CA13: variants seen among roughly 807,000 people sequenced by gnomAD.
CA13 encodes the protein CA-XIII.
A neutral mutation model predicts 31.5 loss-of-function variants in CA13; 21 were observed. That is an observed-to-expected ratio of 0.67 (90% confidence interval 0.47 to 0.96). The LOEUF (loss-of-function observed/expected upper bound fraction) is 0.96. Among genes scored for constraint, CA13 ranks in the 40% least tolerant of loss-of-function variants. CA13 has a pLI of 0.00. For missense variants in CA13, 315 were observed against 318.9 expected (o/e 0.99, Z 0.09); for synonymous variants, 117 against 111.4 (o/e 1.05, Z -0.32).
chr8:85,268,482 C>T lies in CA13; in HGVS notation c.524C>T (p.Thr175Ile), dbSNP rs775023269. The T allele has an allele frequency of 4.3e-6, 7 of 1,613,876 alleles. No homozygotes were observed. The South Asian group carries it at 4.4e-5, about 10-fold the overall frequency. Residue 175 changes from threonine (T) to isoleucine (I), a missense_variant, in exon 6 of 7, where the codon ACT becomes ATT. Physicochemically the swap from Thr to Ile is moderately conservative, Grantham distance 89. Transcript: ENST00000321764. ...LDSIKEKGKQ[T>I]RFTNFDLLSL... ...TTTTTGATCCTCCAGGGTAAACAAA[C>T]TCGATTCACAAATTTTGACCTATTG...
At chr8:85,267,827 A>C in intron 4 of CA13, 75 bp from the exon 5 acceptor site, 1 of 845,546 alleles carries the variant, frequency 1.2e-6, no homozygotes, top group South Asian at 1.7e-5. Flanking sequence ...ATAATTTTTA[A>C]ATAGTGGCTG....
At chr8:85,253,708 A>T (rs1807234703) in intron 2 of CA13, among the ~76,000 whole-genome samples, 1 of 152,144 alleles carries the variant, frequency 6.6e-6, no homozygotes, top group African/African-American at 2.4e-5. Context: ...AGTTTTGTGA[A>T]TCTATGTTAA....
chr8:85,251,187 AG>A (rs1813822077), intron 2 of CA13, among the ~76,000 whole-genome samples: 1 of 152,020 alleles, frequency 6.6e-6, no homozygotes, highest in Non-Finnish European at 1.5e-5. Flanking sequence ...TATTTTTAGT[AG>A]AGACAGGGTT....
At chr8:85,248,599 G>A (rs75824923) in intron 1 of CA13, among the ~76,000 whole-genome samples, 4,318 of 152,164 alleles carry the variant, frequency 0.028, 79 homozygotes, top group Non-Finnish European at 0.036. Context: ...AGGAGAAGGA[G>A]GAGAGGAGGA....
intron 3 of CA13, among the ~76,000 whole-genome samples, chr8:85,264,400 T>C (rs1304416375): frequency 6.6e-6 from 1 of 152,230 alleles, no homozygotes; most frequent in Non-Finnish European, 1.5e-5. Context: ...TCAGTTCAAA[T>C]CACTGCTCTT....
chr8:85,259,777 G>A (rs932844539), intron 3 of CA13, among the ~76,000 whole-genome samples: 1 of 152,200 alleles, frequency 6.6e-6, no homozygotes, highest in African/African-American at 2.4e-5. Context: ...TTAGACATAA[G>A]TAAACTGGTT....
intron 3 of CA13, 92 bp from the exon 4 acceptor site, chr8:85,266,516 G>A: frequency 1.1e-6 from 1 of 884,506 alleles, no homozygotes; most frequent in Non-Finnish European, 1.8e-6. Context: ...TAAGTGTACA[G>A]CACCAGAAAA....
chr8:85,249,598 A>C (rs1813790647), intron 1 of CA13, among the ~76,000 whole-genome samples: 1 of 152,120 alleles, frequency 6.6e-6, no homozygotes, highest in Non-Finnish European at 1.5e-5. Context: ...TCATTTTAAA[A>C]TGTTTTTGGT....
intron 6 of CA13, among the ~76,000 whole-genome samples, chr8:85,273,710 C>A (rs1313456103): frequency 1.3e-5 from 2 of 151,864 alleles, no homozygotes; most frequent in Admixed American, 1.3e-4. Context: ...GACTGTAAAA[C>A]CCCTGCCCCA....
At chr8:85,263,106 T>G (rs1443390706) in intron 3 of CA13, among the ~76,000 whole-genome samples, 1 of 152,090 alleles carries the variant, frequency 6.6e-6, no homozygotes, top group Non-Finnish European at 1.5e-5. Flanking sequence ...AGAGAGACCT[T>G]TCCAGGAAGT....
intron 3 of CA13, among the ~76,000 whole-genome samples, chr8:85,263,223 T>C (rs1391493777): frequency 6.6e-6 from 1 of 152,168 alleles, no homozygotes; most frequent in Non-Finnish European, 1.5e-5. Flanking sequence ...GGAAAAGTTA[T>C]GTGCTCTGTC....
intron 6 of CA13, among the ~76,000 whole-genome samples, chr8:85,272,992 A>G: frequency 6.6e-6 from 1 of 151,998 alleles, no homozygotes; most frequent in Non-Finnish European, 1.5e-5. Context: ...TAATTTTTGT[A>G]TTTTTAGTAG....
chr8:85,278,954 G>A lies in CA13; in HGVS notation c.670-2276G>A, dbSNP rs75343356. On this transcript the variant is annotated intron_variant, in intron 6 of 6. Coordinates refer to ENST00000321764, the MANE Select transcript of CA13 (RefSeq NM_198584.3). ...GGTATTTTGACTGAGGTAATGGAGA[G>A]CACTTAACACAGTGCCTAGTCCATT... Among the ~76,000 whole-genome samples, 346 of 152,166 alleles carry A rather than the reference G, an allele frequency of 2.3e-3. 2 individuals are homozygous for A. The highest frequency in any genetic ancestry group is 7.8e-3 in the African/African-American group (322 of 41,518).
At chr8:85,271,794 T>C (rs1807530395) in intron 6 of CA13, among the ~76,000 whole-genome samples, 1 of 152,164 alleles carries the variant, frequency 6.6e-6, no homozygotes, top group Non-Finnish European at 1.5e-5. Context: ...TCTCAACCAC[T>C]GTGGTGGCTC....
At chr8:85,275,354 G>A (rs1453695578) in intron 6 of CA13, among the ~76,000 whole-genome samples, 1 of 152,134 alleles carries the variant, frequency 6.6e-6, no homozygotes, top group Non-Finnish European at 1.5e-5. Context: ...GGGCATTCCT[G>A]AGGAGTGAAA....
At position 85,245,927 on chromosome 8, in the gene CA13, G is replaced by T. The variant is rs972446878; in HGVS notation, c.37+62G>T. 24 of 1,591,468 alleles carry T rather than the reference G, an allele frequency of 1.5e-5. No individual in the cohort carries two copies. In the Middle Eastern group the frequency reaches 5.0e-4, roughly 33 times the overall value. Reference sequence around the variant, plus strand: ...CGGGGGACGAGAGGACTAGCGCGACGCCCCGGCGCTCGCTGACCACACACT... The same window carrying T: ...CGGGGGACGAGAGGACTAGCGCGACTCCCCGGCGCTCGCTGACCACACACT... On this transcript the variant is annotated intron_variant, in intron 1 of 6. Transcript: ENST00000321764.
At chr8:85,267,620 T>TA (rs1206839243) in intron 4 of CA13, among the ~76,000 whole-genome samples, 3 of 152,190 alleles carry the variant, frequency 2.0e-5, no homozygotes. Context: ...ACCTACATCT[T>TA]AAACACTGAT....
At chr8:85,247,549 C>G (rs1813753919) in intron 1 of CA13, among the ~76,000 whole-genome samples, 1 of 152,122 alleles carries the variant, frequency 6.6e-6, no homozygotes, top group Non-Finnish European at 1.5e-5. Context: ...GTATTATATA[C>G]TAACTAGGCA....
At chr8:85,268,024 C>A in intron 5 of CA13, 60 bp downstream of exon 5, 1 of 1,119,500 alleles carries the variant, frequency 8.9e-7, no homozygotes, top group Non-Finnish European at 1.3e-6. Flanking sequence ...ATTCTCTTAT[C>A]TTCCTTTAAA....
Sources: allele counts gnomAD v4.1 joint callset (sites outside exome capture counted in the v4.1 genomes callset), GRCh38; gene constraint gnomAD v4.1.1; transcripts MANE v1.5; gene names NCBI Gene and HGNC (gene_info 2026-07-23, HGNC 2026-07-21).